The following ZFHX3 variants were observed in gnomAD, a reference collection of about 807,000 sequenced individuals.
ZFHX3 encodes the protein zinc finger homeobox 3, also known as zinc finger homeobox protein 3.
A neutral mutation model predicts 279.1 loss-of-function variants in ZFHX3; 42 were observed. The ratio of observed to expected loss-of-function variants is 0.15; its 90% CI spans 0.12 to 0.19. The LOEUF (loss-of-function observed/expected upper bound fraction) is 0.19. Ranked by LOEUF, ZFHX3 falls within the 10% of genes least tolerant of loss-of-function variation. The pLI, the probability that ZFHX3 is intolerant of heterozygous loss-of-function variation, is 1.00. For missense variants in ZFHX3, 4,981 were observed against 4,754.0 expected (o/e 1.05, Z -1.40); for synonymous variants, 2,293 against 1,957.8 (o/e 1.17, Z -4.52).
At chr16:72,824,501 G>A (rs528745715) in intron 5 of ZFHX3, among the ~76,000 whole-genome samples, 1 of 152,236 alleles carries the variant, frequency 6.6e-6, no homozygotes, top group East Asian at 1.9e-4. Flanking sequence ...AGGGATTTTT[G>A]AAGCATTATT....
chr16:72,787,919 A>G lies in ZFHX3; in HGVS notation c.10357T>C (p.Tyr3453His), dbSNP rs1184693192. The change falls in exon 10 of 10, where the codon TAC becomes CAC. Residue 3453 changes from tyrosine (Y) to histidine (H), a missense_variant. By Grantham distance (83) the Tyr-to-His change is moderately conservative. This residue lies in a region of ZFHX3 where 1,034 missense variants were observed against 786.0 expected (regional missense o/e 1.32). Coordinates refer to ENST00000268489, the MANE Select transcript of ZFHX3 (RefSeq NM_006885.4). ...ACCTTTGGAACAATGAAGGGGTCGT[A>G]GAGGGAGTCCGCACTTTTGCTTTCT... ...EAESKSADSL[Y>H]DPFIVPKVQY... 3 of 1,613,956 alleles carry G rather than the reference A, an allele frequency of 1.9e-6. No individual in the cohort carries two copies. The highest frequency in any genetic ancestry group is 2.7e-5 in the African/African-American group (2 of 74,898).
In ZFHX3 at chr16:73,687,011, AATATATATATATATATATATATATATAT is replaced by A. The variant is rs58565282; in HGVS notation, c.-1607-6799_-1607-6772del. ...GAGAATATATATATATTTGCAGCTAAATATATATATATATATATATATATATATATATATATATATATATATATATATA... is the reference window on the plus strand; with the variant it reads ...GAGAATATATATATATTTGCAGCTAAATATATATATATATATATATATATA... On this transcript the variant is annotated intron_variant, in intron 1 of 17. Transcript: ENST00000641206. 4.9e-3 allele frequency among the ~76,000 whole-genome samples: 263 copies of A among 53,230 alleles called. 10 individuals are homozygous for A. The highest frequency in any genetic ancestry group is 0.029 in the South Asian group (41 of 1,392). 34.9% of individuals were successfully genotyped at this position (53,230 alleles called of 152,430 possible). A position where few individuals can be genotyped will look rare whatever the true frequency, so the allele number is the denominator to read the frequency against.
intron 2 of ZFHX3, among the ~76,000 whole-genome samples, chr16:73,586,947 T>C (rs2051933356): frequency 6.6e-6 from 1 of 152,190 alleles, no homozygotes; most frequent in African/African-American, 2.4e-5. Flanking sequence ...TTTGCTATTA[T>C]TTTTTCCACT....
At chr16:73,042,801 T>G (rs1266019757) in intron 1 of ZFHX3, among the ~76,000 whole-genome samples, 1 of 151,974 alleles carries the variant, frequency 6.6e-6, no homozygotes. Context: ...CCACTTCCAG[T>G]CCAAGTCTCC....
intron 5 of ZFHX3, among the ~76,000 whole-genome samples, chr16:73,201,926 C>T (rs1308092771): frequency 1.3e-5 from 2 of 152,154 alleles, no homozygotes; most frequent in African/African-American, 4.8e-5. Context: ...GAATGAAAGC[C>T]ACTTACGGCG....
At chr16:73,674,240 TA>T (rs142589312) in intron 2 of ZFHX3, among the ~76,000 whole-genome samples, 1 of 151,686 alleles carries the variant, frequency 6.6e-6, no homozygotes, top group African/African-American at 2.4e-5. Context: ...TAGAAAATTA[TA>T]AAAAAATAGA....
chr16:73,870,043 C>T (rs1962121805), intron 1 of ZFHX3, among the ~76,000 whole-genome samples: 1 of 152,118 alleles, frequency 6.6e-6, no homozygotes, highest in Non-Finnish European at 1.5e-5. Context: ...GAAAAGAAAA[C>T]CTTTGACTCT....
rs903283950 is a variant in ZFHX3, at chr16:72,787,045, T to G, written c.*119A>C. ...CACGCTTTTTCTTTTTTTTCTTTTT[T>G]TTTTTTTTTTTGTTTTTTGGTTAGA... On this transcript the variant is annotated 3_prime_UTR_variant, in exon 10 of 10. Coordinates refer to ENST00000268489, the MANE Select transcript of ZFHX3 (RefSeq NM_006885.4). 4.2e-5 allele frequency: 43 copies of G among 1,013,342 alleles called. No individual in the cohort carries two copies. Among genetic ancestry groups the G allele is most frequent in the Non-Finnish European group, 5.1e-5 (41 of 802,040 alleles). The allele number at this position is 1,013,342 out of a possible 1,614,324, so 62.8% of individuals were successfully genotyped here.
At chr16:72,921,688 G>A (rs2039588735) in intron 3 of ZFHX3, among the ~76,000 whole-genome samples, 1 of 152,228 alleles carries the variant, frequency 6.6e-6, no homozygotes, top group Non-Finnish European at 1.5e-5. Context: ...GGGGATCGAG[G>A]AGTCTGGAGA....
At chr16:73,418,394 A>G (rs945504733) in intron 3 of ZFHX3, among the ~76,000 whole-genome samples, 1 of 152,198 alleles carries the variant, frequency 6.6e-6, no homozygotes, top group Non-Finnish European at 1.5e-5. Flanking sequence ...TCCCCCTGTC[A>G]CGGGAAAGGA....
At chr16:73,703,443 G>A (rs1005289411) in intron 1 of ZFHX3, among the ~76,000 whole-genome samples, 5 of 151,928 alleles carry the variant, frequency 3.3e-5, no homozygotes, top group Non-Finnish European at 5.9e-5. Flanking sequence ...TTAAAAAATA[G>A]GTTTGGTTGG....
At chr16:73,481,201 C>A (rs1043473967) in intron 2 of ZFHX3, among the ~76,000 whole-genome samples, 2 of 152,030 alleles carry the variant, frequency 1.3e-5, no homozygotes, top group Non-Finnish European at 2.9e-5. Context: ...TGGTGGTACC[C>A]ACCTGTAATC....
intron 4 of ZFHX3, among the ~76,000 whole-genome samples, chr16:72,888,369 G>T (rs1030326193): frequency 1.2e-4 from 19 of 152,152 alleles, no homozygotes; most frequent in African/African-American, 4.1e-4. Context: ...AAAGAAGTGT[G>T]GCAGAGAAAG....
At chr16:73,611,910 A>G (rs1486752182) in intron 2 of ZFHX3, among the ~76,000 whole-genome samples, 1 of 152,206 alleles carries the variant, frequency 6.6e-6, no homozygotes, top group African/African-American at 2.4e-5. Flanking sequence ...ATACACACAC[A>G]CAACTTCTCA....
chr16:73,349,058 T>A (rs141128682), intron 3 of ZFHX3, among the ~76,000 whole-genome samples: 1 of 152,176 alleles, frequency 6.6e-6, no homozygotes, highest in Non-Finnish European at 1.5e-5. Context: ...GGGCATCAAT[T>A]AATAACAGAT....
At chr16:72,801,893 G>T (rs945005430) in intron 7 of ZFHX3, among the ~76,000 whole-genome samples, 3 of 151,714 alleles carry the variant, frequency 2.0e-5, no homozygotes, top group African/African-American at 7.3e-5. Context: ...GGAGCACGAG[G>T]TTGGGGGTAA....
intron 5 of ZFHX3, among the ~76,000 whole-genome samples, chr16:73,177,923 AG>A (rs1174020114): frequency 6.6e-6 from 1 of 151,656 alleles, no homozygotes; most frequent in African/African-American, 2.4e-5. Flanking sequence ...TGCTGCGAAC[AG>A]GGGCTGCTAT....
chr16:73,209,561 A>G (rs77301479), intron 5 of ZFHX3, among the ~76,000 whole-genome samples: 2,137 of 152,296 alleles, frequency 0.014, 21 homozygotes, highest in Non-Finnish European at 0.022. Flanking sequence ...ACATTAATCC[A>G]TGAAGCACTT....
intron 5 of ZFHX3, among the ~76,000 whole-genome samples, chr16:73,214,734 C>A (rs555480642): frequency 6.6e-6 from 1 of 152,046 alleles, no homozygotes; most frequent in East Asian, 1.9e-4. Flanking sequence ...AACACAAGAG[C>A]CTTTCTTCAA....
Sources: gnomAD v4.1 joint callset for allele counts (sites outside exome capture counted in the v4.1 genomes callset) on GRCh38, gnomAD v4.1.1 for gene constraint, gnomAD v4.1.1 regional missense constraint, MANE v1.5 for transcripts, NCBI Gene and HGNC (gene_info 2026-07-23, HGNC 2026-07-21) for gene names.